The following SLC25A21 variants were observed in gnomAD, a reference collection of about 807,000 sequenced individuals.
SLC25A21 encodes the protein solute carrier family 25 member 21, also known as mitochondrial 2-oxodicarboxylate carrier.
SLC25A21 carries 47 observed loss-of-function variants against 43.8 expected under a neutral mutation model. That is an observed-to-expected ratio of 1.07 (90% CI 0.85 to 1.37). The LOEUF (loss-of-function observed/expected upper bound fraction) is 1.37, where lower values mean the gene tolerates loss of function less well. Ranked by LOEUF, SLC25A21 falls within the 40% of genes most tolerant of loss-of-function variation. The probability of loss-of-function intolerance (pLI) is 0.00; values close to 1 mark genes in which losing one functional copy is unlikely to be tolerated. For synonymous variants in SLC25A21, 131 were observed against 121.3 expected, an observed-to-expected ratio of 1.08 and a Z score of -0.52; for missense variants, 352 against 350.2, an observed-to-expected ratio of 1.00 and a Z score of -0.04.
In SLC25A21 at chr14:37,110,583, G is replaced by A. The variant is rs79767882; in HGVS notation, c.70+61698C>T. The stretch of plus-strand genomic sequence containing the variant: ...AGAGCACAGGAGAGAGAGCAATTAG[G>A]TCATTTCTAACTCATTTTTCTCCAG... On this transcript the variant is annotated intron_variant, in intron 1 of 9. Transcript: ENST00000331299. Among the ~76,000 whole-genome samples the A allele has an allele frequency of 0.016, 2,422 of 152,168 alleles. 183 individuals carry two copies. In the East Asian group the frequency reaches 0.26, roughly 16 times the overall value.
intron 1 of SLC25A21, among the ~76,000 whole-genome samples, chr14:36,902,117 C>A (rs1456991549): frequency 6.6e-6 from 1 of 152,184 alleles, no homozygotes; most frequent in South Asian, 2.1e-4. Flanking sequence ...TTAAATTTGG[C>A]AGATATCTCA....
intron 1 of SLC25A21, among the ~76,000 whole-genome samples, chr14:37,151,958 C>T (rs1476053866): frequency 6.6e-6 from 1 of 151,998 alleles, no homozygotes; most frequent in Non-Finnish European, 1.5e-5. Context: ...ACGCTTGAAC[C>T]CAGGAGAAGG....
At chr14:36,803,123 T>C (rs76340088) in intron 3 of SLC25A21, among the ~76,000 whole-genome samples, 3,350 of 152,288 alleles carry the variant, frequency 0.022, 101 homozygotes, top group African/African-American at 0.073. Context: ...AGTAATATCT[T>C]ACCTTACACT....
chr14:36,959,209 C>T (rs1252624530), intron 1 of SLC25A21, among the ~76,000 whole-genome samples: 1 of 152,136 alleles, frequency 6.6e-6, no homozygotes, highest in Non-Finnish European at 1.5e-5. Context: ...TCTGCCTGCC[C>T]ACAGCTCTCC....
intron 1 of SLC25A21, among the ~76,000 whole-genome samples, chr14:37,169,038 A>G (rs867934605): frequency 6.6e-6 from 1 of 152,084 alleles, no homozygotes; most frequent in African/African-American, 2.4e-5. Flanking sequence ...ACCCCCATGT[A>G]GGTTACAGCT....
At chr14:37,023,630 C>A (rs1026463181) in intron 1 of SLC25A21, among the ~76,000 whole-genome samples, 1 of 152,040 alleles carries the variant, frequency 6.6e-6, no homozygotes, top group Non-Finnish European at 1.5e-5. Context: ...TCATTCCCTA[C>A]TTATTTGGCC....
intron 2 of SLC25A21, among the ~76,000 whole-genome samples, chr14:36,848,291 G>C (rs750739324): frequency 6.6e-6 from 1 of 152,146 alleles, no homozygotes; most frequent in African/African-American, 2.4e-5. Context: ...TTTCCAATGG[G>C]ACAGGCAAAA....
intron 1 of SLC25A21, among the ~76,000 whole-genome samples, chr14:37,065,179 G>A (rs533491007): frequency 1.3e-5 from 2 of 152,160 alleles, no homozygotes; most frequent in African/African-American, 4.8e-5. Flanking sequence ...TGACACTTGA[G>A]ATTTGAAAGC....
At chr14:37,153,773 A>G (rs1208101835) in intron 1 of SLC25A21, among the ~76,000 whole-genome samples, 1 of 152,170 alleles carries the variant, frequency 6.6e-6, no homozygotes, top group Non-Finnish European at 1.5e-5. Flanking sequence ...CCACGAGCCT[A>G]GCTTCGCTCC....
intron 2 of SLC25A21, among the ~76,000 whole-genome samples, chr14:36,857,342 C>G (rs1338073908): frequency 6.6e-6 from 1 of 152,136 alleles, no homozygotes; most frequent in Non-Finnish European, 1.5e-5. Context: ...GCGGGAGTCT[C>G]TATTTAAACA....
intron 1 of SLC25A21, among the ~76,000 whole-genome samples, chr14:37,057,227 C>T (rs939100301): frequency 6.6e-6 from 1 of 152,162 alleles, no homozygotes; most frequent in African/African-American, 2.4e-5. Flanking sequence ...ACGTTCCTCA[C>T]CCAGCTCATT....
intron 6 of SLC25A21, among the ~76,000 whole-genome samples, chr14:36,724,812 G>A (rs1884526110): frequency 6.6e-6 from 1 of 152,132 alleles, no homozygotes; most frequent in African/African-American, 2.4e-5. Context: ...AGGATGGGTG[G>A]TGGGTGTAGT....
intron 1 of SLC25A21, among the ~76,000 whole-genome samples, chr14:36,983,559 C>T (rs1290036135): frequency 6.6e-6 from 1 of 152,104 alleles, no homozygotes; most frequent in Non-Finnish European, 1.5e-5. Flanking sequence ...TTAGTTCAAC[C>T]CCTGTAGAAA....
At chr14:36,694,665 T>G (rs1232855082) in intron 7 of SLC25A21, among the ~76,000 whole-genome samples, 1 of 152,246 alleles carries the variant, frequency 6.6e-6, no homozygotes, top group Admixed American at 6.5e-5. Context: ...TGACCAGTGA[T>G]GATGAGCATT....
At chr14:36,903,837 C>T (rs575556948) in intron 1 of SLC25A21, among the ~76,000 whole-genome samples, 29 of 152,232 alleles carry the variant, frequency 1.9e-4, no homozygotes, top group African/African-American at 6.0e-4. Context: ...CTCTGACTTT[C>T]GGATTAGCCA....
intron 1 of SLC25A21, among the ~76,000 whole-genome samples, chr14:36,972,550 C>A (rs1193659273): frequency 6.6e-6 from 1 of 152,034 alleles, no homozygotes; most frequent in Non-Finnish European, 1.5e-5. Flanking sequence ...CACTGGCCAG[C>A]AGGCTTAGGG....
chr14:36,998,851 A>T (rs1391390153), intron 1 of SLC25A21, among the ~76,000 whole-genome samples: 1 of 152,156 alleles, frequency 6.6e-6, no homozygotes, highest in African/African-American at 2.4e-5. Context: ...CAACAATGAG[A>T]CAGCATTACA....
At chr14:36,714,513 A>G (rs1594516348) in intron 6 of SLC25A21, among the ~76,000 whole-genome samples, 1 of 152,236 alleles carries the variant, frequency 6.6e-6, no homozygotes, top group East Asian at 1.9e-4. Flanking sequence ...ACCCTGGCTA[A>G]GATCTCTGCA....
chr14:37,168,655 A>C (rs1964071563), intron 1 of SLC25A21, among the ~76,000 whole-genome samples: 1 of 152,034 alleles, frequency 6.6e-6, no homozygotes, highest in Non-Finnish European at 1.5e-5. Flanking sequence ...CCGAAAAAAA[A>C]AGCAAGTTAG....
Sources: gnomAD v4.1 joint callset for allele counts (sites outside exome capture counted in the v4.1 genomes callset) on GRCh38, gnomAD v4.1.1 for gene constraint, MANE v1.5 for transcripts, NCBI Gene and HGNC (gene_info 2026-07-23, HGNC 2026-07-21) for gene names.